ALDH7A1: variants seen among roughly 807,000 people sequenced by gnomAD.
The protein encoded by ALDH7A1 is aldehyde dehydrogenase 7 family member A1.
ALDH7A1 carries 63 observed loss-of-function variants against 79.9 expected under a neutral mutation model. The ratio of observed to expected loss-of-function variants is 0.79; its 90% CI spans 0.64 to 0.97. The LOEUF (loss-of-function observed/expected upper bound fraction) is 0.97. Ranked by LOEUF, ALDH7A1 falls within the 50% of genes least tolerant of loss-of-function variation. ALDH7A1 has a pLI of 0.00. For synonymous variants in ALDH7A1, 240 were observed against 231.2 expected, an observed-to-expected ratio of 1.04 and a Z score of -0.34; for missense variants, 627 against 665.2, an observed-to-expected ratio of 0.94 and a Z score of 0.63.
intron 9 of ALDH7A1, among the ~76,000 whole-genome samples, chr5:126,566,223 AC>A (rs1750578823): frequency 6.6e-6 from 1 of 152,044 alleles, no homozygotes; most frequent in African/African-American, 2.4e-5. Flanking sequence ...GGGGATATCT[AC>A]TCATTTATTT....
At chr5:126,557,468 T>TG (rs1196683105) in intron 11 of ALDH7A1, among the ~76,000 whole-genome samples, 3 of 151,608 alleles carry the variant, frequency 2.0e-5, no homozygotes, top group Non-Finnish European at 4.4e-5. Context: ...GTGCCTGTAG[T>TG]GCCAGCTACT....
chr5:126,546,054 C>A (rs867871852), intron 17 of ALDH7A1, among the ~76,000 whole-genome samples: 1 of 152,260 alleles, frequency 6.6e-6, no homozygotes, highest in African/African-American at 2.4e-5. Flanking sequence ...TCGAGACCAG[C>A]CTGACCAACA....
chr5:126,586,906 T>C (rs1370484598), intron 3 of ALDH7A1: 1 of 152,098 alleles, frequency 6.6e-6, no homozygotes, highest in Non-Finnish European at 1.5e-5. Context: ...GCCAACATGG[T>C]GAGACCCTGT....
chr5:126,594,438 ATTT>A (rs34684581), intron 1 of ALDH7A1: 2,191 of 184,810 alleles, frequency 0.012, 1 homozygote, highest in South Asian at 0.026. Context: ...TAAGGTTTTA[ATTT>A]TTTTTTTTTT....
At chr5:126,579,897 C>T (rs1177402129) in intron 5 of ALDH7A1, 2 of 161,972 alleles carry the variant, frequency 1.2e-5, no homozygotes, top group African/African-American at 2.4e-5. Context: ...GAGGTCCAAG[C>T]TGCAAGGGGC....
Position 126,552,010 on chromosome 5 carries a change from T to C in ALDH7A1, c.1317+11A>G, listed in dbSNP as rs1361823176. On this transcript the variant is annotated intron_variant, in intron 14 of 17. Transcript: ENST00000409134. ...TTCAACATCAGGCTAGCGAACAGAA[T>C]GCATTTTTACCTTGAATTTAAAGAC... 1 of 1,589,274 alleles carries C rather than the reference T, an allele frequency of 6.3e-7. No homozygotes were observed. The highest frequency in any genetic ancestry group is 1.7e-5 in the Admixed American group (1 of 59,982).
intron 16 of ALDH7A1, among the ~76,000 whole-genome samples, chr5:126,548,641 G>T (rs939346078): frequency 6.6e-6 from 1 of 151,898 alleles, no homozygotes; most frequent in Non-Finnish European, 1.5e-5. Flanking sequence ...TGCCCAGGCT[G>T]GTCTTGAACT....
At chr5:126,589,901 G>A (rs1384158093) in intron 3 of ALDH7A1, among the ~76,000 whole-genome samples, 2 of 149,546 alleles carry the variant, frequency 1.3e-5, no homozygotes, top group African/African-American at 2.5e-5. Flanking sequence ...GGGAAGTGAG[G>A]AGCACCTCTG....
At chr5:126,548,463 T>C (rs1162752895) in intron 16 of ALDH7A1, among the ~76,000 whole-genome samples, 1 of 150,190 alleles carries the variant, frequency 6.7e-6, no homozygotes, top group Non-Finnish European at 1.5e-5. Context: ...GGTCTCACTC[T>C]GTCCCCAGAC....
At chr5:126,585,724 G>A (rs1238410857) in intron 3 of ALDH7A1, among the ~76,000 whole-genome samples, 1 of 151,952 alleles carries the variant, frequency 6.6e-6, no homozygotes, top group Non-Finnish European at 1.5e-5. Context: ...ACCACGCCCG[G>A]CTAATTTTCT....
At position 126,568,297 on chromosome 5, in the gene ALDH7A1, AC is replaced by A. The variant is rs746295168; in HGVS notation, c.832del (p.Val278TrpfsTer7). ...CACCATCAGGCCCACCTGTTTTCCC[AC>A]CTGAGTGCTCCCAGTGAAGGACAGC... The part of the protein sequence containing the change: ...NLLSFTGSTQ[V>X]GKQVGLMVQE... On this transcript the variant is annotated frameshift_variant, in exon 9 of 18. Transcript: ENST00000409134. LOFTEE classifies it high-confidence loss of function. 1 of 1,614,046 alleles carries A rather than the reference AC, an allele frequency of 6.2e-7. No homozygotes were observed. Among genetic ancestry groups the A allele is most frequent in the Non-Finnish European group, 8.5e-7 (1 of 1,179,990 alleles).
In ALDH7A1 at chr5:126,568,462, A is replaced by G. The variant is rs867104719; in HGVS notation, c.774-106T>C. 3.1e-5 allele frequency: 30 copies of G among 966,144 alleles called. No individual in the cohort carries two copies. In the Middle Eastern group the frequency reaches 2.5e-3, roughly 80 times the overall value. The allele number at this position is 966,144 out of a possible 1,614,324, so 59.8% of individuals were successfully genotyped here. ...TGCCCTTGAAAAAGCAGTCCCTTGA[A>G]GCTACAAGAAAGTCTGTCCCAGGGG... On this transcript the variant is annotated intron_variant, in intron 8 of 17. Coordinates refer to ENST00000409134, the MANE Select transcript of ALDH7A1 (RefSeq NM_001182.5).
chr5:126,580,052 T>C (rs34275373), intron 5 of ALDH7A1: 18,116 of 167,620 alleles, frequency 0.11, 1,063 homozygotes, highest in African/African-American at 0.16. Context: ...GTTACCTGCT[T>C]GCACATGTAC....
chr5:126,554,725 G>A, intron 12 of ALDH7A1: 1 of 374,666 alleles, frequency 2.7e-6, no homozygotes, highest in Non-Finnish European at 5.1e-6. Context: ...TTAAAGGAAT[G>A]GCTATCAATT....
At chr5:126,554,675 C>T (rs1197670330) in intron 12 of ALDH7A1, 12 of 424,286 alleles carry the variant, frequency 2.8e-5, no homozygotes, top group Middle Eastern at 1.5e-3. Context: ...CTTTTTTTTA[C>T]AGAAACAGGC....
intron 2 of ALDH7A1, 148 bp downstream of exon 2, chr5:126,593,203 C>T: frequency 7.4e-7 from 1 of 1,359,074 alleles, no homozygotes; most frequent in Non-Finnish European, 9.9e-7. Flanking sequence ...GAAAAATAAA[C>T]ACATTATTCT....
rs2112794713 is a variant in ALDH7A1 at position 126,577,196 on chromosome 5, A to G, written c.533T>C (p.Leu178Pro). Residue 178 changes from leucine to proline, a missense_variant, in exon 6 of 18, where the codon CTG (leucine) becomes CCG (proline). By Grantham distance (98) the Leu-to-Pro change is moderately conservative. Coordinates refer to ENST00000409134, the MANE Select transcript of ALDH7A1 (RefSeq NM_001182.5). ...GCCTACGGGATTCCACTGCTCAATC[A>G]GTGCATGGCCAGATCCTGAGGACAG... ...ILPSERSGHA[L>P]IEQWNPVGLV... 6.2e-7 allele frequency: 1 copy of G among 1,614,214 alleles called. No homozygotes were observed. The highest frequency in any genetic ancestry group is 8.5e-7 in the Non-Finnish European group (1 of 1,180,048).
At chr5:126,574,939 A>G (rs993624512) in intron 7 of ALDH7A1, among the ~76,000 whole-genome samples, 12 of 152,218 alleles carry the variant, frequency 7.9e-5, no homozygotes, top group African/African-American at 2.7e-4. Flanking sequence ...ATTCTCAAAT[A>G]TAAGTAAAGC....
chr5:126,565,498 T>C (rs1330316826), intron 9 of ALDH7A1, among the ~76,000 whole-genome samples: 1 of 152,062 alleles, frequency 6.6e-6, no homozygotes, highest in African/African-American at 2.4e-5. Flanking sequence ...GTTCTTTATA[T>C]ATTCTACATA....
Sources: allele counts gnomAD v4.1 joint callset (sites outside exome capture counted in the v4.1 genomes callset), GRCh38; gene constraint gnomAD v4.1.1; transcripts MANE v1.5; gene names NCBI Gene and HGNC (gene_info 2026-07-23, HGNC 2026-07-21).